The following PIBF1 variants were observed in gnomAD, a reference collection of about 807,000 sequenced individuals.
PIBF1 encodes the protein progesterone-induced-blocking factor 1.
Under a neutral mutation model 112.5 loss-of-function variants are expected in PIBF1, and 90 were observed. That is an observed-to-expected ratio of 0.80 (90% CI 0.67 to 0.95). The LOEUF (loss-of-function observed/expected upper bound fraction) is 0.95. PIBF1 is among the 40% of genes least tolerant of loss of function. PIBF1 has a pLI of 0.00. For missense variants in PIBF1, 915 were observed against 852.3 expected (o/e 1.07, Z -0.92); for synonymous variants, 301 against 288.6 (o/e 1.04, Z -0.44).
intron 10 of PIBF1, among the ~76,000 whole-genome samples, chr13:72,872,407 G>A (rs1005269058): frequency 2.3e-4 from 35 of 152,156 alleles, no homozygotes; most frequent in African/African-American, 8.0e-4. Flanking sequence ...TACTTGAAAT[G>A]CTAAAGCACC....
In PIBF1 at chr13:72,910,777, T is replaced by C. The variant is rs141437160; in HGVS notation, c.1639+2096T>C. The stretch of plus-strand genomic sequence containing the variant: ...AATATATAGTCATTACCCAAAAATA[T>C]ACTAGAAGTAAACAATTGGAGAAGT... On this transcript the variant is annotated intron_variant, in intron 12 of 17. Transcript: ENST00000326291. Among the ~76,000 whole-genome samples the C allele has an allele frequency of 1.4e-3, 212 of 152,210 alleles. 2 individuals are homozygous for C. The highest frequency in any genetic ancestry group is 4.8e-3 in the African/African-American group (199 of 41,540).
chr13:72,982,612 C>T (rs2043182542), intron 16 of PIBF1, among the ~76,000 whole-genome samples: 2 of 152,058 alleles, frequency 1.3e-5, no homozygotes, highest in African/African-American at 4.8e-5. Flanking sequence ...TTGACAAATT[C>T]CTTTTTGTAC....
intron 17 of PIBF1, among the ~76,000 whole-genome samples, chr13:73,005,069 C>T (rs1430446014): frequency 3.3e-5 from 5 of 151,750 alleles, no homozygotes; most frequent in Admixed American, 6.6e-5. Context: ...CCTGTAATCC[C>T]GAGGCTGAGG....
intron 5 of PIBF1, among the ~76,000 whole-genome samples, chr13:72,805,650 G>C (rs1405663865): frequency 6.6e-6 from 1 of 152,162 alleles, no homozygotes; most frequent in East Asian, 1.9e-4. Flanking sequence ...AAAAAAACAT[G>C]ACTAGATGGT....
At chr13:72,815,851 A>G (rs3782936) in intron 5 of PIBF1, among the ~76,000 whole-genome samples, 41,904 of 152,004 alleles carry the variant, frequency 0.28, 6,874 homozygotes, top group East Asian at 0.47. Flanking sequence ...GCTTATCTCA[A>G]TTATTCAAAA....
intron 9 of PIBF1, among the ~76,000 whole-genome samples, chr13:72,848,788 C>T (rs186484707): frequency 1.6e-4 from 24 of 150,874 alleles, no homozygotes; most frequent in African/African-American, 2.9e-4. Flanking sequence ...GCTGAGATCG[C>T]GCCACTGCAC....
At chr13:72,852,486 C>A (rs185908636) in intron 9 of PIBF1, among the ~76,000 whole-genome samples, 18 of 152,306 alleles carry the variant, frequency 1.2e-4, no homozygotes, top group South Asian at 1.0e-3. Context: ...ACTTGGCTTG[C>A]CCTCAGCAGG....
intron 10 of PIBF1, among the ~76,000 whole-genome samples, chr13:72,878,497 A>G (rs1221401379): frequency 6.6e-6 from 1 of 152,190 alleles, no homozygotes; most frequent in Non-Finnish European, 1.5e-5. Context: ...GTTTGAGAGT[A>G]GAGAGCATAT....
chr13:72,985,995 A>T (rs2043276900), intron 16 of PIBF1, among the ~76,000 whole-genome samples: 1 of 151,870 alleles, frequency 6.6e-6, no homozygotes, highest in South Asian at 2.1e-4. Flanking sequence ...TAGAAAAAAA[A>T]ATTTTTTAAA....
At chr13:72,811,608 A>AAAAAAG (rs199831981) in intron 5 of PIBF1, among the ~76,000 whole-genome samples, 24 of 139,648 alleles carry the variant, frequency 1.7e-4, no homozygotes, top group South Asian at 2.2e-4. Context: ...AAAAAAAAAA[A>AAAAAAG]AGAGAGAGAA....
At chr13:72,967,845 T>C (rs2042783103) in intron 15 of PIBF1, among the ~76,000 whole-genome samples, 1 of 152,130 alleles carries the variant, frequency 6.6e-6, no homozygotes, top group South Asian at 2.1e-4. Context: ...TAATTTAAAC[T>C]CTCTAATACC....
At chr13:72,787,155 A>G (rs1375755651) in intron 2 of PIBF1, among the ~76,000 whole-genome samples, 2 of 152,246 alleles carry the variant, frequency 1.3e-5, no homozygotes, top group Admixed American at 6.5e-5. Flanking sequence ...CACCTTAGAC[A>G]GGCAAACAGC....
chr13:72,962,751 T>C (rs1278635061), intron 14 of PIBF1, among the ~76,000 whole-genome samples: 1 of 152,294 alleles, frequency 6.6e-6, no homozygotes, highest in East Asian at 1.9e-4. Context: ...AAAATCCCAA[T>C]GGCATTTTTT....
intron 5 of PIBF1, among the ~76,000 whole-genome samples, chr13:72,820,521 A>T (rs2036504997): frequency 6.6e-6 from 1 of 152,158 alleles, no homozygotes; most frequent in Non-Finnish European, 1.5e-5. Context: ...AGCAAAACAC[A>T]CTGAATGTAG....
chr13:72,937,796 AAG>A (rs1233489246), intron 14 of PIBF1, among the ~76,000 whole-genome samples: 1 of 152,156 alleles, frequency 6.6e-6, no homozygotes, highest in Admixed American at 6.6e-5. Context: ...GCCTGGGCGA[AAG>A]AGTGAAACTC....
rs561935619 is a variant in PIBF1, at chr13:72,806,275, A to G, written c.672+8249A>G. The stretch of plus-strand genomic sequence containing the variant: ...TGATTTTGATTAGTTTAGATTCGTC[A>G]TATGAGTAGAGTCCTACAGTATTTG... On this transcript the variant is annotated intron_variant, in intron 5 of 17. Transcript: ENST00000326291. Among the ~76,000 whole-genome samples, 73 of 152,156 alleles carry G rather than the reference A, an allele frequency of 4.8e-4. 1 individual carries two copies. In the South Asian group the frequency reaches 0.015, roughly 30 times the overall value.
chr13:72,800,275 A>T (rs1314599085), intron 5 of PIBF1, among the ~76,000 whole-genome samples: 1 of 152,228 alleles, frequency 6.6e-6, no homozygotes, highest in Non-Finnish European at 1.5e-5. Context: ...GCCTCAAGAG[A>T]TCCACCTGCC....
intron 15 of PIBF1, among the ~76,000 whole-genome samples, chr13:72,968,116 A>T (rs910406464): frequency 1.1e-4 from 17 of 151,430 alleles, no homozygotes; most frequent in African/African-American, 3.9e-4. Context: ...CCTGGGAGGC[A>T]GAGCTTGCAG....
chr13:72,866,522 T>C (rs2138400784), intron 10 of PIBF1, among the ~76,000 whole-genome samples: 1 of 152,316 alleles, frequency 6.6e-6, no homozygotes, highest in Non-Finnish European at 1.5e-5. Flanking sequence ...CCTTAGAGAT[T>C]CTAGAATCTG....
Sources: allele counts gnomAD v4.1 joint callset (sites outside exome capture counted in the v4.1 genomes callset), GRCh38; gene constraint gnomAD v4.1.1; transcripts MANE v1.5; gene names NCBI Gene and HGNC (gene_info 2026-07-23, HGNC 2026-07-21).